ASTN2: variants seen among roughly 807,000 people sequenced by gnomAD.
The protein encoded by ASTN2 is astrotactin-2.
ASTN2 carries 54 observed loss-of-function variants against 139.8 expected under a neutral mutation model. The observed-to-expected ratio is 0.39, with a 90% confidence interval of 0.31 to 0.48. The LOEUF (loss-of-function observed/expected upper bound fraction) is 0.48, where lower values mean the gene tolerates loss of function less well. Among genes scored for constraint, ASTN2 ranks in the 20% least tolerant of loss-of-function variants. The pLI is 0.95. For missense variants in ASTN2, 1,565 were observed against 1,725.1 expected, an observed-to-expected ratio of 0.91 and a Z score of 1.64; for synonymous variants, 756 against 719.5, an observed-to-expected ratio of 1.05 and a Z score of -0.81.
intron 10 of ASTN2, among the ~76,000 whole-genome samples, chr9:116,913,876 T>C (rs1295071112): frequency 6.6e-6 from 1 of 151,472 alleles, no homozygotes; most frequent in Non-Finnish European, 1.5e-5. Flanking sequence ...AATTATGGGG[T>C]GGCACATGAC....
Position 116,812,832 on chromosome 9 carries a change from G to T in ASTN2, c.2208-7012C>A, listed in dbSNP as rs916544259. ...AGCATATCACAACTGTGGATTTACA[G>T]TGATTTTTCTTTTCCCTGTGGGTGG... On this transcript the variant is annotated intron_variant, in intron 12 of 22. Transcript: ENST00000313400. Among the ~76,000 whole-genome samples the T allele has an allele frequency of 1.6e-4, 24 of 152,060 alleles. 1 individual carries two copies.
At chr9:116,625,998 G>T (rs538789188) in intron 17 of ASTN2, among the ~76,000 whole-genome samples, 7 of 151,564 alleles carry the variant, frequency 4.6e-5, no homozygotes, top group Non-Finnish European at 8.8e-5. Flanking sequence ...TTGTTTTTTT[G>T]AGACAGAGTC....
chr9:117,272,781 A>G (rs926563775), intron 2 of ASTN2, among the ~76,000 whole-genome samples: 1 of 152,086 alleles, frequency 6.6e-6, no homozygotes, highest in African/African-American at 2.4e-5. Context: ...GTTCCTCATC[A>G]CCATCTGAGA....
intron 4 of ASTN2, among the ~76,000 whole-genome samples, chr9:117,108,870 T>C (rs1829175489): frequency 6.6e-6 from 1 of 152,194 alleles, no homozygotes; most frequent in African/African-American, 2.4e-5. Flanking sequence ...TGATGGCTTC[T>C]GGTGCTCCCA....
At chr9:117,191,018 A>AAATAGATG (rs1483453143) in intron 3 of ASTN2, among the ~76,000 whole-genome samples, 1 of 152,160 alleles carries the variant, frequency 6.6e-6, no homozygotes, top group Non-Finnish European at 1.5e-5. Context: ...AATGAATGAA[A>AAATAGATG]AATAGATGAA....
chr9:117,113,678 C>CA lies in ASTN2; in HGVS notation c.1169-17528dup, dbSNP rs57094447. On this transcript the variant is annotated intron_variant, in intron 4 of 22. Transcript: ENST00000313400. ...TCTCAAAAAACAAAACAAAACAAAA[C>CA]AAAAAAAAAAGGATCTACTGACAGG... Among the ~76,000 whole-genome samples, 632 of 149,354 alleles carry CA rather than the reference C, an allele frequency of 4.2e-3. 4 individuals are homozygous for CA. Among genetic ancestry groups the CA allele is most frequent in the African/African-American group, 0.014 (589 of 41,066 alleles).
At chr9:117,014,827 C>T (rs539125714) in intron 6 of ASTN2, among the ~76,000 whole-genome samples, 2 of 152,170 alleles carry the variant, frequency 1.3e-5, no homozygotes, top group Admixed American at 1.3e-4. Flanking sequence ...AGGGAGAGGA[C>T]AGCCATCTAC....
chr9:117,391,076 G>A (rs528668032), intron 1 of ASTN2, among the ~76,000 whole-genome samples: 1 of 152,284 alleles, frequency 6.6e-6, no homozygotes, highest in South Asian at 2.1e-4. Context: ...ATGGAGGGTG[G>A]ACTGGACTAA....
chr9:117,314,486 C>A (rs1036790477), intron 1 of ASTN2, among the ~76,000 whole-genome samples: 1 of 151,508 alleles, frequency 6.6e-6, no homozygotes, highest in Non-Finnish European at 1.5e-5. Flanking sequence ...GCTGTCTTAG[C>A]TGCTGGATTT....
At chr9:116,937,901 CA>C (rs1835123090) in intron 10 of ASTN2, among the ~76,000 whole-genome samples, 1 of 152,172 alleles carries the variant, frequency 6.6e-6, no homozygotes, top group Admixed American at 6.5e-5. Context: ...GAAGCAGATA[CA>C]CTGAAACTAA....
intron 4 of ASTN2, among the ~76,000 whole-genome samples, chr9:117,140,722 G>A (rs1411008834): frequency 6.6e-6 from 1 of 152,022 alleles, no homozygotes; most frequent in Non-Finnish European, 1.5e-5. Context: ...AAAAGGAGCA[G>A]GAAGAAAATA....
intron 11 of ASTN2, among the ~76,000 whole-genome samples, chr9:116,828,550 T>A (rs990288063): frequency 2.6e-5 from 4 of 151,172 alleles, no homozygotes; most frequent in African/African-American, 7.3e-5. Flanking sequence ...CTCAACAGAG[T>A]AATCATTGAA....
intron 1 of ASTN2, among the ~76,000 whole-genome samples, chr9:117,366,511 C>A (rs543220540): frequency 8.7e-4 from 132 of 151,916 alleles, no homozygotes; most frequent in African/African-American, 3.1e-3. Context: ...AAATTTAAAT[C>A]TTTTCATTCC....
Position 116,976,309 on chromosome 9 carries a change from G to A in ASTN2, c.1677-121C>T, listed in dbSNP as rs1836340342. The stretch of plus-strand genomic sequence containing the variant: ...CAAACTCTGCAGAAATAATTATTGG[G>A]CAAGACTACTTATATTATAAAAGAA... On this transcript the variant is annotated intron_variant, in intron 8 of 22. Transcript: ENST00000313400. 3 of 755,946 alleles carry A rather than the reference G, an allele frequency of 4.0e-6. No homozygotes were observed. The Admixed American group carries it at 6.8e-5, about 17-fold the overall frequency. 46.8% of individuals were successfully genotyped at this position (755,946 alleles called of 1,614,324 possible). A position where few individuals can be genotyped will look rare whatever the true frequency, so the allele number is the denominator to read the frequency against.
At chr9:116,972,828 A>G (rs1420940455) in intron 10 of ASTN2, among the ~76,000 whole-genome samples, 1 of 152,140 alleles carries the variant, frequency 6.6e-6, no homozygotes, top group Non-Finnish European at 1.5e-5. Context: ...TTCCAATCCT[A>G]CTGTAATGCT....
At chr9:116,724,117 C>T (rs542300968) in intron 16 of ASTN2, among the ~76,000 whole-genome samples, 10 of 152,298 alleles carry the variant, frequency 6.6e-5, no homozygotes, top group African/African-American at 2.4e-4. Context: ...AAGCCCCAAA[C>T]GTGGTATGAA....
At chr9:116,896,813 T>C (rs1833890648) in intron 10 of ASTN2, among the ~76,000 whole-genome samples, 1 of 152,090 alleles carries the variant, frequency 6.6e-6, no homozygotes, top group South Asian at 2.1e-4. Context: ...TCATTTACCA[T>C]CATGAGAACA....
chr9:116,608,347 C>A lies in ASTN2; in HGVS notation c.3355+9977G>T, dbSNP rs556481891. ...GTGAGAACAATGCCTGAGGCTCATACAAGGGCCAGTAATAGTGCCTGTCTC... is the reference window on the plus strand; with the variant it reads ...GTGAGAACAATGCCTGAGGCTCATAAAAGGGCCAGTAATAGTGCCTGTCTC... On this transcript the variant is annotated intron_variant, in intron 19 of 22. Transcript: ENST00000313400. Among the ~76,000 whole-genome samples the A allele has an allele frequency of 5.3e-5, 8 of 152,242 alleles. No individual in the cohort carries two copies. In the South Asian group the frequency reaches 1.7e-3, roughly 32 times the overall value.
chr9:117,230,271 A>C (rs984291016), intron 2 of ASTN2, among the ~76,000 whole-genome samples: 3 of 151,890 alleles, frequency 2.0e-5, no homozygotes, highest in Non-Finnish European at 4.4e-5. Context: ...TCTGAAATGA[A>C]GGTACAAGCA....
Sources: allele counts gnomAD v4.1 joint callset (sites outside exome capture counted in the v4.1 genomes callset), GRCh38; gene constraint gnomAD v4.1.1; transcripts MANE v1.5; gene names NCBI Gene and HGNC (gene_info 2026-07-23, HGNC 2026-07-21).